SPECC1: variants seen among roughly 807,000 people sequenced by gnomAD.
SPECC1 encodes sperm antigen with calponin homology and coiled-coil domains 1.
In SPECC1, 62 loss-of-function variants were observed where a neutral mutation model predicts 104.1. That is an observed-to-expected ratio of 0.60 (90% CI 0.49 to 0.74). SPECC1 has a LOEUF of 0.74. Among genes scored for constraint, SPECC1 ranks in the 30% least tolerant of loss-of-function variants. The probability of loss-of-function intolerance (pLI) is 0.00; values close to 1 mark genes in which losing one functional copy is unlikely to be tolerated. For missense variants in SPECC1, 1,306 were observed against 1,310.5 expected, an observed-to-expected ratio of 1.00 and a Z score of 0.05; for synonymous variants, 513 against 501.6, an observed-to-expected ratio of 1.02 and a Z score of -0.30.
chr17:20,124,907 G>A (rs192661299), intron 3 of SPECC1, among the ~76,000 whole-genome samples: 12 of 152,270 alleles, frequency 7.9e-5, no homozygotes, highest in Middle Eastern at 3.4e-3. Context: ...CAGGCCAGGC[G>A]CGGTGGCTCA....
chr17:20,176,021 C>T (rs753642448), intron 3 of SPECC1, among the ~76,000 whole-genome samples: 11 of 152,160 alleles, frequency 7.2e-5, no homozygotes, highest in South Asian at 2.1e-4. Flanking sequence ...TATGTAAATG[C>T]GCAAATTTCT....
chr17:20,193,643 A>G (rs1486774215), intron 3 of SPECC1, among the ~76,000 whole-genome samples: 2 of 152,208 alleles, frequency 1.3e-5, no homozygotes, highest in Non-Finnish European at 2.9e-5. Context: ...TGGAAGATGA[A>G]TAAGAGTTTA....
chr17:20,139,115 C>G (rs536058407), intron 3 of SPECC1, among the ~76,000 whole-genome samples: 15 of 152,316 alleles, frequency 9.8e-5, no homozygotes, highest in Admixed American at 9.8e-4. Context: ...GGAAGACTTT[C>G]ATCAAAGTCC....
intron 3 of SPECC1, among the ~76,000 whole-genome samples, chr17:20,196,017 T>G (rs2036009890): frequency 6.6e-6 from 1 of 152,224 alleles, no homozygotes; most frequent in East Asian, 1.9e-4. Context: ...AAAAACTGAA[T>G]AATACCCCTT....
At chr17:20,294,428 T>C (rs1305149569) in intron 12 of SPECC1, among the ~76,000 whole-genome samples, 4 of 152,106 alleles carry the variant, frequency 2.6e-5, no homozygotes, top group African/African-American at 9.7e-5. Flanking sequence ...ACAGGACGGG[T>C]TTTCTTTTCC....
At position 20,205,422 on chromosome 17, in the gene SPECC1, C is replaced by T. The variant is rs1318296975; in HGVS notation, c.1373C>T (p.Thr458Ile). 9.3e-6 allele frequency: 15 copies of T among 1,613,942 alleles called. No homozygotes were observed. The highest frequency in any genetic ancestry group is 1.7e-5 in the Admixed American group (1 of 59,998). ...CGAGTAAAGAATGAAGAGCCCACCACTCAGGAAGGAAAAATTATTGAACTG... is the reference window on the plus strand; with the variant it reads ...CGAGTAAAGAATGAAGAGCCCACCATTCAGGAAGGAAAAATTATTGAACTG... ...QERVKNEEPT[T>I]QEGKIIELEQ... Residue 458 changes from threonine to isoleucine, a missense_variant, in exon 4 of 15, where the codon ACT becomes ATT. Coordinates refer to ENST00000395527, the MANE Select transcript of SPECC1 (RefSeq NM_001243439.2).
chr17:20,040,247 C>T (rs1261590976), intron 1 of SPECC1, among the ~76,000 whole-genome samples: 1 of 152,012 alleles, frequency 6.6e-6, no homozygotes, highest in African/African-American at 2.4e-5. Context: ...CATTTTACCA[C>T]TTCAATGAGG....
chr17:20,284,149 C>T (rs538376743), intron 12 of SPECC1, among the ~76,000 whole-genome samples: 8 of 152,166 alleles, frequency 5.3e-5, no homozygotes, highest in Non-Finnish European at 7.3e-5. Context: ...ACAAGCGATG[C>T]GAGACTAATC....
chr17:20,248,136 C>T (rs1220761781), intron 9 of SPECC1, among the ~76,000 whole-genome samples: 1 of 152,186 alleles, frequency 6.6e-6, no homozygotes, highest in Non-Finnish European at 1.5e-5. Context: ...AACGGTGGAA[C>T]AGACCCCAGA....
intron 14 of SPECC1, among the ~76,000 whole-genome samples, chr17:20,309,835 T>TG (rs1491506702): frequency 2.1e-5 from 2 of 95,702 alleles, no homozygotes; most frequent in Non-Finnish European, 4.1e-5. Flanking sequence ...TTTTTTTTTT[T>TG]GAGATGGAAT....
At chr17:20,290,597 C>T (rs1374718331) in intron 12 of SPECC1, among the ~76,000 whole-genome samples, 1 of 152,176 alleles carries the variant, frequency 6.6e-6, no homozygotes, top group Non-Finnish European at 1.5e-5. Context: ...TCACTGAAAC[C>T]TCTGCCTCCT....
At chr17:20,062,469 C>T (rs896026079) in intron 1 of SPECC1, among the ~76,000 whole-genome samples, 2 of 151,826 alleles carry the variant, frequency 1.3e-5, no homozygotes, top group Admixed American at 6.6e-5. Flanking sequence ...CTCACGTGAT[C>T]CTCCCACCTC....
chr17:20,224,005 ATT>A (rs758181350), intron 4 of SPECC1, among the ~76,000 whole-genome samples: 4 of 152,200 alleles, frequency 2.6e-5, no homozygotes, highest in Non-Finnish European at 4.4e-5. Context: ...TTCAAAGGGA[ATT>A]GAGTGTTAGG....
chr17:20,107,467 T>C (rs970792269), intron 2 of SPECC1, among the ~76,000 whole-genome samples: 1 of 149,662 alleles, frequency 6.7e-6, no homozygotes, highest in Non-Finnish European at 1.5e-5. Flanking sequence ...TTTTTCTTTT[T>C]TTTTTTTTTT....
chr17:20,010,226 A>G (rs1442468422), intron 1 of SPECC1: 1 of 143,406 alleles, frequency 7.0e-6, no homozygotes, highest in Non-Finnish European at 1.5e-5. Flanking sequence ...ACGTAAGTTT[A>G]TGTAATAAGC....
At chr17:20,161,745 C>T (rs150544388) in intron 3 of SPECC1, among the ~76,000 whole-genome samples, 2 of 151,606 alleles carry the variant, frequency 1.3e-5, no homozygotes, top group East Asian at 3.9e-4. Context: ...TTCTTAAAAA[C>T]AAGAAGCTAG....
At chr17:20,246,567 T>C (rs1324895961) in intron 8 of SPECC1, among the ~76,000 whole-genome samples, 1 of 152,236 alleles carries the variant, frequency 6.6e-6, no homozygotes, top group Admixed American at 6.5e-5. Flanking sequence ...CTGTCACTCC[T>C]GATCTAGGTG....
At chr17:20,265,487 T>C (rs2040188188) in intron 12 of SPECC1, among the ~76,000 whole-genome samples, 1 of 152,222 alleles carries the variant, frequency 6.6e-6, no homozygotes, top group Admixed American at 6.5e-5. Flanking sequence ...TAAGTTCTTA[T>C]AGATTCTGGA....
intron 3 of SPECC1, chr17:20,156,059 G>A (rs937096226): frequency 9.3e-6 from 12 of 1,295,898 alleles, no homozygotes; most frequent in East Asian, 3.1e-5. Flanking sequence ...CTGGGAACTG[G>A]AAGGCGCCCG....
Sources: allele counts gnomAD v4.1 joint callset (sites outside exome capture counted in the v4.1 genomes callset), GRCh38; gene constraint gnomAD v4.1.1; transcripts MANE v1.5; gene names NCBI Gene and HGNC (gene_info 2026-07-23, HGNC 2026-07-21).